The following FRAS1 variants were observed in gnomAD, a reference collection of about 807,000 sequenced individuals.
FRAS1 encodes Fraser extracellular matrix complex subunit 1.
FRAS1 carries 290 observed loss-of-function variants against 435.2 expected under a neutral mutation model. The observed-to-expected ratio is 0.67, with a 90% confidence interval of 0.61 to 0.73. FRAS1 has a LOEUF of 0.73. Ranked by LOEUF, FRAS1 falls within the 30% of genes least tolerant of loss-of-function variation. FRAS1 has a pLI of 0.00. For missense variants in FRAS1, 4,860 were observed against 5,001.5 expected, an observed-to-expected ratio of 0.97 and a Z score of 0.85; for synonymous variants, 1,800 against 1,851.0, an observed-to-expected ratio of 0.97 and a Z score of 0.71.
chr4:78,158,393 T>A (rs1720982855), intron 2 of FRAS1, among the ~76,000 whole-genome samples: 1 of 152,214 alleles, frequency 6.6e-6, no homozygotes, highest in Admixed American at 6.6e-5. Flanking sequence ...CTTGTAGAGA[T>A]CTTTCACCTC....
Position 78,482,599 on chromosome 4 carries a change from C to T in FRAS1, c.8752+64C>T, listed in dbSNP as rs377602057. 1.3e-4 allele frequency: 202 copies of T among 1,496,974 alleles called. 1 individual carries two copies. The South Asian group carries it at 2.2e-3, about 16-fold the overall frequency. 92.7% of individuals were successfully genotyped at this position (1,496,974 alleles called of 1,614,324 possible). On this transcript the variant is annotated intron_variant, in intron 58 of 73. Transcript: ENST00000512123. Reference sequence around the variant, plus strand: ...ATTTCTATTTTTTCTTTAACGTCCACATATGTGACATTGGAACTCATTCAC... The same window carrying T: ...ATTTCTATTTTTTCTTTAACGTCCATATATGTGACATTGGAACTCATTCAC...
At chr4:78,145,526 A>G (rs993999777) in intron 2 of FRAS1, among the ~76,000 whole-genome samples, 1 of 152,166 alleles carries the variant, frequency 6.6e-6, no homozygotes, top group Non-Finnish European at 1.5e-5. Context: ...CTCTGAGGTG[A>G]GCTCATTGAA....
rs137886749 is a variant in FRAS1 at position 78,405,956 on chromosome 4, T to C, written c.4130-1707T>C. Among the ~76,000 whole-genome samples, 105 of 152,340 alleles carry C rather than the reference T, an allele frequency of 6.9e-4. 1 individual carries two copies. The Middle Eastern group carries it at 0.027, about 39-fold the overall frequency. On this transcript the variant is annotated intron_variant, in intron 30 of 73. Transcript: ENST00000512123. Reference sequence around the variant, plus strand: ...TATTTTCAGTCTCACTTTAAGAAGATAGTAGGTGAAGGTCAAGGTGCTTTA... The same window carrying C: ...TATTTTCAGTCTCACTTTAAGAAGACAGTAGGTGAAGGTCAAGGTGCTTTA...
At chr4:78,384,010 C>T in intron 27 of FRAS1, 49 bp from the exon 28 acceptor site, 1 of 1,368,904 alleles carries the variant, frequency 7.3e-7, no homozygotes, top group East Asian at 2.3e-5. Context: ...TGTGTAAAGT[C>T]TAATGTAATG....
chr4:78,088,070 T>G (rs757510576), intron 2 of FRAS1, among the ~76,000 whole-genome samples: 24 of 152,236 alleles, frequency 1.6e-4, no homozygotes, highest in East Asian at 1.9e-4. Flanking sequence ...GTACTGGTAC[T>G]AAAACAGAGA....
chr4:78,304,366 C>A (rs1301434232), intron 14 of FRAS1, among the ~76,000 whole-genome samples: 1 of 152,146 alleles, frequency 6.6e-6, no homozygotes, highest in East Asian at 1.9e-4. Context: ...TGATGCTGGC[C>A]TCATAAAATG....
At chr4:78,366,101 C>T (rs1330494667) in intron 22 of FRAS1, among the ~76,000 whole-genome samples, 1 of 152,056 alleles carries the variant, frequency 6.6e-6, no homozygotes, top group Non-Finnish European at 1.5e-5. Context: ...GCAGTCATAA[C>T]CAAATTATTG....
intron 15 of FRAS1, among the ~76,000 whole-genome samples, chr4:78,313,767 A>G (rs1415068435): frequency 6.6e-6 from 1 of 152,242 alleles, no homozygotes; most frequent in Non-Finnish European, 1.5e-5. Context: ...TTTTTACAAT[A>G]TAAGAAAGAC....
At chr4:78,366,243 G>A (rs1232853454) in intron 22 of FRAS1, among the ~76,000 whole-genome samples, 1 of 152,186 alleles carries the variant, frequency 6.6e-6, no homozygotes. Flanking sequence ...GAGATGATAT[G>A]TAAGGTTCTG....
chr4:78,276,328 C>G (rs1727031864), intron 9 of FRAS1, among the ~76,000 whole-genome samples: 1 of 152,254 alleles, frequency 6.6e-6, no homozygotes, highest in Admixed American at 6.5e-5. Flanking sequence ...CAAAGTCATT[C>G]TCAATCCACC....
intron 18 of FRAS1, among the ~76,000 whole-genome samples, chr4:78,323,277 G>A (rs1028540628): frequency 1.3e-5 from 2 of 152,168 alleles, no homozygotes; most frequent in African/African-American, 2.4e-5. Context: ...AGTCCGAATT[G>A]TGCACATTTA....
chr4:78,247,069 T>C (rs1299533954), intron 4 of FRAS1, among the ~76,000 whole-genome samples: 1 of 152,198 alleles, frequency 6.6e-6, no homozygotes, highest in Non-Finnish European at 1.5e-5. Flanking sequence ...GACCTCATCT[T>C]AAGGGCATGT....
intron 14 of FRAS1, among the ~76,000 whole-genome samples, chr4:78,290,528 C>T (rs576334039): frequency 2.0e-5 from 3 of 151,706 alleles, no homozygotes; most frequent in Non-Finnish European, 4.4e-5. Flanking sequence ...ACAATCTCAG[C>T]TCACTGCAAC....
chr4:78,155,340 T>G (rs902145973), intron 2 of FRAS1, among the ~76,000 whole-genome samples: 2 of 152,226 alleles, frequency 1.3e-5, no homozygotes, highest in African/African-American at 4.8e-5. Context: ...GAAAAAAGAT[T>G]GTTATTATTT....
At chr4:78,087,812 G>A (rs1332772506) in intron 2 of FRAS1, among the ~76,000 whole-genome samples, 1 of 152,154 alleles carries the variant, frequency 6.6e-6, no homozygotes, top group Non-Finnish European at 1.5e-5. Flanking sequence ...CATGCTCATG[G>A]GTAGGAAGAA....
At chr4:78,438,429 C>T in intron 38 of FRAS1, 141 bp from the exon 39 acceptor site, 1 of 786,416 alleles carries the variant, frequency 1.3e-6, no homozygotes, top group South Asian at 1.8e-5. Context: ...GTTTGAAATA[C>T]AAAGAGAAAG....
At chr4:78,261,881 G>A (rs577605822) in intron 6 of FRAS1, among the ~76,000 whole-genome samples, 1 of 152,244 alleles carries the variant, frequency 6.6e-6, no homozygotes, top group Non-Finnish European at 1.5e-5. Flanking sequence ...ATCTGCCTCA[G>A]CTATGAACTT....
At chr4:78,452,675 C>T (rs1719062495) in intron 47 of FRAS1, among the ~76,000 whole-genome samples, 1 of 152,224 alleles carries the variant, frequency 6.6e-6, no homozygotes, top group Non-Finnish European at 1.5e-5. Context: ...GCACATGGCA[C>T]TGTGCAAGGC....
intron 5 of FRAS1, among the ~76,000 whole-genome samples, chr4:78,253,595 T>C (rs1165457728): frequency 6.6e-6 from 1 of 152,102 alleles, no homozygotes; most frequent in Non-Finnish European, 1.5e-5. Context: ...CCCCAACTCT[T>C]CTCTTTCTTG....
Sources: allele counts gnomAD v4.1 joint callset (sites outside exome capture counted in the v4.1 genomes callset), GRCh38; gene constraint gnomAD v4.1.1; transcripts MANE v1.5; gene names NCBI Gene and HGNC (gene_info 2026-07-23, HGNC 2026-07-21).